TOP1: variants seen among roughly 807,000 people sequenced by gnomAD.
TOP1 encodes the protein DNA topoisomerase I, also known as DNA topoisomerase 1.
In TOP1, 10 loss-of-function variants were observed where a neutral mutation model predicts 111.1. The observed-to-expected ratio is 0.09, with a 90% CI of 0.06 to 0.15. The LOEUF (loss-of-function observed/expected upper bound fraction) is 0.15, where lower values mean the gene tolerates loss of function less well. Ranked by LOEUF, TOP1 falls within the 10% of genes least tolerant of loss-of-function variation. TOP1 has a pLI of 1.00. For synonymous variants in TOP1, 271 were observed against 302.9 expected (o/e 0.89, Z 1.10); for missense variants, 474 against 926.7 (o/e 0.51, Z 6.34).
chr20:41,113,727 A>AT (rs902493060), intron 14 of TOP1, among the ~76,000 whole-genome samples: 13 of 150,990 alleles, frequency 8.6e-5, no homozygotes, highest in African/African-American at 2.7e-4. Context: ...AAAAAAAAAA[A>AT]AAAAATAAAA....
At chr20:41,048,975 A>G (rs550596165) in intron 2 of TOP1, among the ~76,000 whole-genome samples, 1 of 152,240 alleles carries the variant, frequency 6.6e-6, no homozygotes, top group South Asian at 2.1e-4. Flanking sequence ...TAAGACAGGA[A>G]GGGGTTGTGG....
At chr20:41,084,095 G>A (rs984504293) in intron 7 of TOP1, among the ~76,000 whole-genome samples, 5 of 151,984 alleles carry the variant, frequency 3.3e-5, no homozygotes, top group African/African-American at 1.2e-4. Flanking sequence ...TGATTGTACT[G>A]GAAGAGGTTT....
At position 41,029,200 on chromosome 20, in the gene TOP1, C is replaced by T. The variant is rs553905605; in HGVS notation, c.33+100C>T. 16 of 1,001,888 alleles carry T rather than the reference C, an allele frequency of 1.6e-5. No homozygotes were observed. The East Asian group carries it at 5.3e-4, about 33-fold the overall frequency. The allele number at this position is 1,001,888 out of a possible 1,614,324, so 62.1% of individuals were successfully genotyped here. On this transcript the variant is annotated intron_variant, in intron 1 of 20. Coordinates refer to ENST00000361337, the MANE Select transcript of TOP1 (RefSeq NM_003286.4). The surrounding 1 kb of genome is among the most constrained non-coding windows in gnomAD (Gnocchi z 6.1). ...CCCAGCCCCGGCCCGGCAGCTTTGACAGGCCGGAGCCCCCGGTGAGGGGCC... is the reference window on the plus strand; with the variant it reads ...CCCAGCCCCGGCCCGGCAGCTTTGATAGGCCGGAGCCCCCGGTGAGGGGCC...
intron 8 of TOP1, among the ~76,000 whole-genome samples, chr20:41,091,732 T>G (rs1285574665): frequency 1.3e-5 from 2 of 151,884 alleles, no homozygotes; most frequent in African/African-American, 4.8e-5. Flanking sequence ...AATTTTTGTA[T>G]TTTTAGTAGA....
rs115143343 is a variant in TOP1, at chr20:41,082,627, T to C, written c.507+1387T>C. On this transcript the variant is annotated intron_variant, in intron 7 of 20. Transcript: ENST00000361337. This position sits in a 1 kb window ranked among gnomAD's most constrained non-coding sequence, Gnocchi z 4.1. ...GACCATTAGTGAGTGAGTTGAGCCA[T>C]AGAGAGATGATCAGGTCCTGAATTT... 1.8e-3 allele frequency among the ~76,000 whole-genome samples: 280 copies of C among 152,296 alleles called. No homozygotes were observed. The highest frequency in any genetic ancestry group is 6.5e-3 in the African/African-American group (270 of 41,560).
At chr20:41,042,664 C>T (rs1310334600) in intron 2 of TOP1, among the ~76,000 whole-genome samples, 1 of 152,152 alleles carries the variant, frequency 6.6e-6, no homozygotes, top group African/African-American at 2.4e-5. Flanking sequence ...TTGAACAACA[C>T]GAGGGTTAGG....
At chr20:41,059,504 G>T (rs2033518581) in intron 2 of TOP1, among the ~76,000 whole-genome samples, 1 of 151,792 alleles carries the variant, frequency 6.6e-6, no homozygotes, top group African/African-American at 2.4e-5. Flanking sequence ...CATTCCAAGG[G>T]CTGTGGCAGG....
At chr20:41,089,972 AC>A (rs1236848345) in intron 8 of TOP1, among the ~76,000 whole-genome samples, 1 of 149,702 alleles carries the variant, frequency 6.7e-6, no homozygotes. Context: ...CCCCACCCCC[AC>A]GTGTTTTTTT....
intron 14 of TOP1, among the ~76,000 whole-genome samples, chr20:41,113,644 A>G (rs73611258): frequency 0.18 from 27,067 of 151,064 alleles, 3,444 homozygotes; most frequent in East Asian, 0.7. Context: ...TTGGGAGGCC[A>G]AGGCAGGTGG....
intron 2 of TOP1, among the ~76,000 whole-genome samples, chr20:41,060,586 A>T (rs866797546): frequency 6.6e-6 from 1 of 152,110 alleles, no homozygotes; most frequent in South Asian, 2.1e-4. Context: ...TGTAGTGGGG[A>T]TTGCACCTGT....
intron 2 of TOP1, among the ~76,000 whole-genome samples, chr20:41,038,595 T>G (rs1417853254): frequency 3.3e-5 from 5 of 152,194 alleles, no homozygotes. Context: ...AGGAGGGTAC[T>G]GACTTGCTTT....
In TOP1 at chr20:41,029,375, C is replaced by T; in HGVS notation, c.34-56C>T. The T allele has an allele frequency of 7.0e-7, 1 of 1,429,916 alleles. No homozygotes were observed. The highest frequency in any genetic ancestry group is 2.8e-5 in the East Asian group (1 of 36,262). The allele number at this position is 1,429,916 out of a possible 1,614,324, so 88.6% of individuals were successfully genotyped here. A position where few individuals can be genotyped will look rare whatever the true frequency, so the allele number is the denominator to read the frequency against. ...GCCAGACCCCGGCCGCGCGCGCTCG[C>T]CGCCGGAGGGGTTAAAGTGGCTGTT... On this transcript the variant is annotated intron_variant, in intron 1 of 20. Transcript: ENST00000361337. The surrounding 1 kb of genome is among the most constrained non-coding windows in gnomAD (Gnocchi z 6.1).
chr20:41,065,503 C>T (rs2033596218), intron 3 of TOP1, among the ~76,000 whole-genome samples: 1 of 152,232 alleles, frequency 6.6e-6, no homozygotes, highest in South Asian at 2.1e-4. Flanking sequence ...CAGAACTTTT[C>T]ATCATCCCAG....
At chr20:41,077,915 CA>C (rs1196588912) in intron 5 of TOP1, among the ~76,000 whole-genome samples, 1 of 144,398 alleles carries the variant, frequency 6.9e-6, no homozygotes, top group Non-Finnish European at 1.5e-5. Flanking sequence ...TTGCATATCA[CA>C]AAATTTGTAT....
In TOP1 at chr20:41,112,205, T is replaced by TCCA. The variant is rs1392637506; in HGVS notation, c.1309-572_1309-570dup. Among the ~76,000 whole-genome samples, 1 of 152,210 alleles carries TCCA rather than the reference T, an allele frequency of 6.6e-6. No homozygotes were observed. Among genetic ancestry groups the TCCA allele is most frequent in the Non-Finnish European group, 1.5e-5 (1 of 68,044 alleles). Reference sequence around the variant, plus strand: ...TCTTTGGTTCTGCTTCTTTGACAGCTCCACCACACTGTAATTTAATGGAAT... The same window carrying TCCA: ...TCTTTGGTTCTGCTTCTTTGACAGCTCCACCACCACACTGTAATTTAATGGAAT... On this transcript the variant is annotated intron_variant, in intron 13 of 20. Coordinates refer to ENST00000361337, the MANE Select transcript of TOP1 (RefSeq NM_003286.4). This position sits in a 1 kb window ranked among gnomAD's most constrained non-coding sequence, Gnocchi z 5.8.
chr20:41,041,512 T>G (rs2033264163), intron 2 of TOP1, among the ~76,000 whole-genome samples: 1 of 152,030 alleles, frequency 6.6e-6, no homozygotes. Context: ...TTACCAAATG[T>G]TTCAGTTGTG....
chr20:41,039,684 G>A (rs528690338), intron 2 of TOP1, among the ~76,000 whole-genome samples: 95 of 152,128 alleles, frequency 6.2e-4, no homozygotes, highest in African/African-American at 2.2e-3. Flanking sequence ...CGAGGCGGGC[G>A]GATCACGAGG....
rs2033093873 is a variant in TOP1, at chr20:41,029,756, G to C, written c.58+301G>C. The stretch of plus-strand genomic sequence containing the variant: ...CGGGAAAGTCGCCTTGTCGACGGTC[G>C]GGACTTAGTCTCTGCGCCATTTTCT... On this transcript the variant is annotated intron_variant, in intron 2 of 20. Transcript: ENST00000361337. This position sits in a 1 kb window ranked among gnomAD's most constrained non-coding sequence, Gnocchi z 6.1. The C allele has an allele frequency of 2.0e-6, 1 of 502,124 alleles. No individual in the cohort carries two copies. The highest frequency in any genetic ancestry group is 2.0e-5 in the African/African-American group (1 of 49,158). The allele number at this position is 502,124 out of a possible 1,614,324, so 31.1% of individuals were successfully genotyped here. A position where few individuals can be genotyped will look rare whatever the true frequency, so the allele number is the denominator to read the frequency against.
intron 2 of TOP1, among the ~76,000 whole-genome samples, chr20:41,035,773 G>A (rs955786742): frequency 6.6e-6 from 1 of 152,186 alleles, no homozygotes; most frequent in Non-Finnish European, 1.5e-5. Context: ...CTTAGTAGAA[G>A]TCCAAATGTT....
Sources: gnomAD v4.1 joint callset for allele counts (sites outside exome capture counted in the v4.1 genomes callset) on GRCh38, gnomAD v4.1.1 for gene constraint, Gnocchi (gnomAD v3.1) non-coding constraint, MANE v1.5 for transcripts, NCBI Gene and HGNC (gene_info 2026-07-23, HGNC 2026-07-21) for gene names.